The following HOOK2 variants were observed in gnomAD, a reference collection of about 807,000 sequenced individuals.
The protein encoded by HOOK2 is protein Hook homolog 2.
A neutral mutation model predicts 111.9 loss-of-function variants in HOOK2; 108 were observed. The observed-to-expected ratio is 0.96, with a 90% CI of 0.83 to 1.13. HOOK2 has a LOEUF of 1.13. Among genes scored for constraint, HOOK2 ranks in the 50% most tolerant of loss-of-function variants. The pLI is 0.00. For missense variants in HOOK2, 978 were observed against 951.3 expected, an observed-to-expected ratio of 1.03 and a Z score of -0.37; for synonymous variants, 405 against 394.3, an observed-to-expected ratio of 1.03 and a Z score of -0.32.
chr19:12,776,297 G>T (rs553369431), upstream of HOOK2, among the ~76,000 whole-genome samples: 87 of 152,064 alleles, frequency 5.7e-4, 1 homozygote, highest in Admixed American at 2.0e-3. Context: ...CGCCGGACGC[G>T]GTGGCTCTCG....
chr19:12,788,423 C>A (rs1968675686), intron 3 of HOOK2, among the ~76,000 whole-genome samples: 1 of 152,156 alleles, frequency 6.6e-6, no homozygotes, highest in Admixed American at 6.5e-5. Flanking sequence ...ATTATTATTT[C>A]TCAGCCTATC....
In HOOK2 at chr19:12,786,150, G is replaced by A. The variant is rs1968654116; in HGVS notation, n.42-11925C>T. On this transcript the variant is annotated intron_variant and non_coding_transcript_variant, in intron 3 of 3. Transcript: ENST00000589765. The surrounding 1 kb of genome is among the most constrained non-coding windows in gnomAD (Gnocchi z 4.3). Reference sequence around the variant, plus strand: ...AAAGGACCCCCAAACCACAGAGGTGGGAGAGGGAGGCGGCTGGTAGGCCAG... The same window carrying A: ...AAAGGACCCCCAAACCACAGAGGTGAGAGAGGGAGGCGGCTGGTAGGCCAG... Among the ~76,000 whole-genome samples, 1 of 152,208 alleles carries A rather than the reference G, an allele frequency of 6.6e-6. No homozygotes were observed. Among genetic ancestry groups the A allele is most frequent in the Non-Finnish European group, 1.5e-5 (1 of 68,036 alleles).
intron 3 of HOOK2, among the ~76,000 whole-genome samples, chr19:12,787,604 C>G (rs1968670074): frequency 6.6e-6 from 1 of 151,648 alleles, no homozygotes; most frequent in African/African-American, 2.4e-5. Flanking sequence ...TGCACTCCAC[C>G]CTGGGCGACA....
At chr19:12,772,422 C>G (rs1968364605) in intron 6 of HOOK2, among the ~76,000 whole-genome samples, 170 bp from the exon 7 acceptor site, 1 of 152,220 alleles carries the variant, frequency 6.6e-6, no homozygotes, top group African/African-American at 2.4e-5. Context: ...AAGCCAGATC[C>G]CTTGAGCCTG....
intron 10 of HOOK2, 79 bp from the exon 11 acceptor site, chr19:12,770,161 A>C: frequency 3.1e-6 from 4 of 1,273,014 alleles, no homozygotes; most frequent in Non-Finnish European, 4.2e-6. Flanking sequence ...CCCTTGGAGC[A>C]CAGGGTGTTG....
At chr19:12,765,194 A>G in intron 18 of HOOK2, 113 bp from the exon 19 acceptor site, 1 of 1,007,324 alleles carries the variant, frequency 9.9e-7, no homozygotes, top group Non-Finnish European at 1.5e-6. Flanking sequence ...ATGGCCACAG[A>G]GCCCTCTCTG....
At chr19:12,777,163 T>TAAATA (rs140327690), upstream of HOOK2, among the ~76,000 whole-genome samples, 2,487 of 141,442 alleles carry the variant, frequency 0.018, 75 homozygotes, top group African/African-American at 0.063. Flanking sequence ...TCAAAAAAAA[T>TAAATA]AAATAAAATA....
rs1427861081 is a variant in HOOK2 at position 12,765,187 on chromosome 19, G to A, written c.1641-106C>T. The A allele has an allele frequency of 2.0e-5, 21 of 1,063,024 alleles. No individual in the cohort carries two copies. In the Admixed American group the frequency reaches 3.6e-4, roughly 18 times the overall value. 65.8% of individuals were successfully genotyped at this position (1,063,024 alleles called of 1,614,324 possible). On this transcript the variant is annotated intron_variant, in intron 18 of 22. Transcript: ENST00000397668. ...CGCCAGCCAGAAATGCCCCTACATG[G>A]CCACAGAGCCCTCTCTGCCTGCCCC... is the stretch of plus-strand genomic sequence containing the variant.
At chr19:12,788,719 C>T (rs2145801428) in intron 3 of HOOK2, among the ~76,000 whole-genome samples, 1 of 152,332 alleles carries the variant, frequency 6.6e-6, no homozygotes, top group East Asian at 1.9e-4. Flanking sequence ...CCTGCCCTGC[C>T]CAACCCCCCA....
At chr19:12,774,520 G>A (rs1968434347) in intron 3 of HOOK2, 149 bp downstream of exon 3, 1 of 757,856 alleles carries the variant, frequency 1.3e-6, no homozygotes, top group Admixed American at 2.0e-5. Context: ...GGCACAGGGT[G>A]AGTACTCCAT....
chr19:12,775,894 T>C (rs2145781428), upstream of HOOK2, among the ~76,000 whole-genome samples: 1 of 144,052 alleles, frequency 6.9e-6, no homozygotes, highest in Non-Finnish European at 1.5e-5. Context: ...TTTTTTTTTT[T>C]TTGAGACGGA....
intron 13 of HOOK2, 93 bp from the exon 14 acceptor site, chr19:12,767,557 A>G (rs1968191597): frequency 1.8e-6 from 2 of 1,130,272 alleles, no homozygotes; most frequent in Non-Finnish European, 2.6e-6. Context: ...TGGGGCTTCA[A>G]GTTCAGCCAA....
chr19:12,771,509 G>C, intron 7 of HOOK2, 32 bp from the exon 8 acceptor site: 1 of 1,579,062 alleles, frequency 6.3e-7, no homozygotes, highest in Non-Finnish European at 8.7e-7. Flanking sequence ...GGAACTCAGG[G>C]ATTCAGGAGA....
At chr19:12,765,308 C>T (rs1968114608) in intron 18 of HOOK2, 3 of 602,062 alleles carry the variant, frequency 5.0e-6, no homozygotes, top group Non-Finnish European at 8.9e-6. Context: ...GGAACAGCCC[C>T]TGCTGTCCAC....
rs897176421 is a variant in HOOK2, at chr19:12,786,780, A to T, written n.42-12555T>A. Among the ~76,000 whole-genome samples the T allele has an allele frequency of 3.9e-5, 6 of 152,254 alleles. No individual in the cohort carries two copies. Among genetic ancestry groups the T allele is most frequent in the Non-Finnish European group, 8.8e-5 (6 of 67,982 alleles). On this transcript the variant is annotated intron_variant and non_coding_transcript_variant, in intron 3 of 3. Transcript: ENST00000589765. This position sits in a 1 kb window ranked among gnomAD's most constrained non-coding sequence, Gnocchi z 4.3. ...CCACCCCGTGCTCAAACACCCATGCAGAGTGTTTGGAGGAACCCTACTCCC... is the reference window on the plus strand; with the variant it reads ...CCACCCCGTGCTCAAACACCCATGCTGAGTGTTTGGAGGAACCCTACTCCC...
At chr19:12,767,688 A>C in intron 13 of HOOK2, 128 bp downstream of exon 13, 1 of 927,292 alleles carries the variant, frequency 1.1e-6, no homozygotes, top group East Asian at 2.6e-5. Flanking sequence ...TGACCGTGTC[A>C]CCTCTTTCTG....
At chr19:12,767,344 G>GA in intron 14 of HOOK2, 51 bp downstream of exon 14, 1 of 1,484,108 alleles carries the variant, frequency 6.7e-7, no homozygotes, top group Non-Finnish European at 9.4e-7. Flanking sequence ...GGCTGAGGGC[G>GA]GGCCTTGGCA....
At chr19:12,774,786 G>T in intron 2 of HOOK2, 26 bp downstream of exon 2, 1 of 1,613,546 alleles carries the variant, frequency 6.2e-7, no homozygotes. Context: ...GACACTTTTG[G>T]GATCCTCCCC....
intron 11 of HOOK2, among the ~76,000 whole-genome samples, chr19:12,768,777 TTTTC>T (rs1437131027): frequency 1.3e-5 from 2 of 151,524 alleles, no homozygotes; most frequent in Non-Finnish European, 2.9e-5. Flanking sequence ...CCAGCTCTCT[TTTTC>T]TTTTTCTTTT....
Sources: gnomAD v4.1 joint callset for allele counts (sites outside exome capture counted in the v4.1 genomes callset) on GRCh38, gnomAD v4.1.1 for gene constraint, Gnocchi (gnomAD v3.1) non-coding constraint, MANE v1.5 for transcripts, NCBI Gene and HGNC (gene_info 2026-07-23, HGNC 2026-07-21) for gene names.